Variants in UNC5C observed in about 807,000 individuals in gnomAD.
UNC5C encodes the protein netrin receptor UNC5C.
Under a neutral mutation model 99.8 loss-of-function variants are expected in UNC5C, and 47 were observed. The observed-to-expected ratio is 0.47, with a 90% CI of 0.37 to 0.60. The LOEUF is 0.60. Ranked by LOEUF, UNC5C falls within the 20% of genes least tolerant of loss-of-function variation. UNC5C has a pLI of 0.00. For synonymous variants in UNC5C, 487 were observed against 452.2 expected, an observed-to-expected ratio of 1.08 and a Z score of -0.98; for missense variants, 1,062 against 1,165.9, an observed-to-expected ratio of 0.91 and a Z score of 1.30.
At position 95,534,079 on chromosome 4, in the gene UNC5C, G is replaced by A. The variant is rs189438388; in HGVS notation, c.124+14655C>T. Among the ~76,000 whole-genome samples, 19 of 152,308 alleles carry A rather than the reference G, an allele frequency of 1.2e-4. No homozygotes were observed. In the East Asian group the frequency reaches 2.9e-3, roughly 23 times the overall value. ...TACTGTTGACTGCAGAGTTTTAAAC[G>A]TGGAACGTTCCCTACAGCACAGCAC... On this transcript the variant is annotated intron_variant, in intron 1 of 15. Coordinates refer to ENST00000453304, the MANE Select transcript of UNC5C (RefSeq NM_003728.4).
intron 1 of UNC5C, among the ~76,000 whole-genome samples, chr4:95,393,495 C>T (rs1198407576): frequency 6.6e-6 from 1 of 152,114 alleles, no homozygotes; most frequent in Non-Finnish European, 1.5e-5. Context: ...TTAAGCTGCT[C>T]CTGAAGTATT....
rs1275834553 is a variant in UNC5C at position 95,548,936 on chromosome 4, C to A, written c.-79G>T. 43 of 1,559,000 alleles carry A rather than the reference C, an allele frequency of 2.8e-5. No individual in the cohort carries two copies. Among genetic ancestry groups the A allele is most frequent in the Non-Finnish European group, 3.6e-5 (41 of 1,143,276 alleles). ...AGCTGAAAGCCCCACTGGGCAGAAG[C>A]TGAATCCGTGCACCGCGAAGCAGTC... On this transcript the variant is annotated 5_prime_UTR_variant, in exon 1 of 16. Transcript: ENST00000453304.
intron 1 of UNC5C, among the ~76,000 whole-genome samples, chr4:95,544,321 G>C (rs1284817212): frequency 6.6e-6 from 1 of 152,128 alleles, no homozygotes; most frequent in Non-Finnish European, 1.5e-5. Flanking sequence ...GATGAAACTT[G>C]CATTAAATCT....
chr4:95,412,419 A>G (rs931722127), intron 1 of UNC5C, among the ~76,000 whole-genome samples: 1 of 151,892 alleles, frequency 6.6e-6, no homozygotes, highest in Non-Finnish European at 1.5e-5. Context: ...TGGCAATCTC[A>G]TGTTAGGTCC....
At chr4:95,240,533 C>G (rs938949519) in intron 7 of UNC5C, among the ~76,000 whole-genome samples, 1 of 152,134 alleles carries the variant, frequency 6.6e-6, no homozygotes, top group Admixed American at 6.6e-5. Context: ...CAAATCAGAG[C>G]TGCAGAAATA....
chr4:95,347,663 C>G lies in UNC5C; in HGVS notation c.125-12032G>C, dbSNP rs550942281. Among the ~76,000 whole-genome samples, 7 of 151,976 alleles carry G rather than the reference C, an allele frequency of 4.6e-5. No individual in the cohort carries two copies. In the South Asian group the frequency reaches 1.5e-3, roughly 32 times the overall value. ...CCAGACATATACACTGGAAAAAGGA[C>G]AGTCTCTTAAATAAATGATGCTGAG... On this transcript the variant is annotated intron_variant, in intron 1 of 15. Transcript: ENST00000453304.
intron 4 of UNC5C, among the ~76,000 whole-genome samples, chr4:95,251,486 G>A (rs949751736): frequency 6.6e-6 from 1 of 152,136 alleles, no homozygotes; most frequent in South Asian, 2.1e-4. Context: ...TAGTAATAGT[G>A]ATGTTATACT....
intron 1 of UNC5C, among the ~76,000 whole-genome samples, chr4:95,429,136 G>C (rs1746562450): frequency 6.6e-6 from 1 of 152,086 alleles, no homozygotes; most frequent in African/African-American, 2.4e-5. Flanking sequence ...GCTAATCAAG[G>C]CCTCTTCTAG....
rs867659745 is a variant in UNC5C, at chr4:95,196,608, A to G, written c.2136+6123T>C. Among the ~76,000 whole-genome samples the G allele has an allele frequency of 9.3e-5, 14 of 150,704 alleles. No individual in the cohort carries two copies. The Admixed American group carries it at 9.4e-4, about 10-fold the overall frequency. Reference sequence around the variant, plus strand: ...GCCCCAAGGCTTAACAAAACCCTGGAAAATTGTTACAAAAGCTGCCAAGCT... The same window carrying G: ...GCCCCAAGGCTTAACAAAACCCTGGGAAATTGTTACAAAAGCTGCCAAGCT... On this transcript the variant is annotated intron_variant, in intron 12 of 15. Coordinates refer to ENST00000453304, the MANE Select transcript of UNC5C (RefSeq NM_003728.4).
chr4:95,373,739 G>A (rs1263425203), intron 1 of UNC5C, among the ~76,000 whole-genome samples: 1 of 152,132 alleles, frequency 6.6e-6, no homozygotes, highest in Non-Finnish European at 1.5e-5. Context: ...GTTGAATATG[G>A]GATGGAAAGA....
chr4:95,497,138 A>G (rs992448918), intron 1 of UNC5C, among the ~76,000 whole-genome samples: 7 of 151,954 alleles, frequency 4.6e-5, no homozygotes, highest in Non-Finnish European at 8.8e-5. Context: ...TGCTATAAAC[A>G]TGCGTGTGCA....
chr4:95,271,570 T>A (rs6532540), intron 4 of UNC5C, among the ~76,000 whole-genome samples: 85,583 of 152,032 alleles, frequency 0.56, 24,632 homozygotes, highest in African/African-American at 0.67. Context: ...GTCATCTGAA[T>A]AAAGCTCATT....
intron 1 of UNC5C, among the ~76,000 whole-genome samples, chr4:95,355,562 G>A (rs1025698158): frequency 4.6e-5 from 7 of 152,014 alleles, no homozygotes; most frequent in East Asian, 1.9e-4. Flanking sequence ...TCATTGCACC[G>A]TTGTGCCTAT....
In UNC5C at chr4:95,335,865, G is replaced by A. The variant is rs369043016; in HGVS notation, c.125-234C>T. Among the ~76,000 whole-genome samples the A allele has an allele frequency of 1.6e-4, 24 of 151,914 alleles. No individual in the cohort carries two copies. The South Asian group carries it at 4.4e-3, about 28-fold the overall frequency. ...TCAGGGAGGATAAGTAAGTTGCCCT[G>A]AGCACATAGGTAGTAAATAGCAGAG... On this transcript the variant is annotated intron_variant, in intron 1 of 15. Transcript: ENST00000453304.
At chr4:95,215,182 A>G (rs1738205665) in intron 10 of UNC5C, among the ~76,000 whole-genome samples, 1 of 152,226 alleles carries the variant, frequency 6.6e-6, no homozygotes, top group South Asian at 2.1e-4. Flanking sequence ...AGAGCTGGGA[A>G]AAGAAAAGGT....
At chr4:95,517,335 T>TTTTTTTTTTTTTTTTTTTTTGAGACGG (rs1722243496) in intron 1 of UNC5C, among the ~76,000 whole-genome samples, 1 of 152,172 alleles carries the variant, frequency 6.6e-6, no homozygotes, top group African/African-American at 2.4e-5. Context: ...AGGGGATTTC[T>TTTTTTTTTTTTTTTTTTTTTGAGACGG]AACTCCCAGT....
intron 1 of UNC5C, among the ~76,000 whole-genome samples, chr4:95,494,215 T>C (rs892001436): frequency 6.6e-6 from 1 of 151,462 alleles, no homozygotes; most frequent in Non-Finnish European, 1.5e-5. Flanking sequence ...TTGGCAAATG[T>C]GAAGTGTGAA....
intron 1 of UNC5C, among the ~76,000 whole-genome samples, chr4:95,421,420 A>C (rs1207534905): frequency 6.6e-6 from 1 of 152,170 alleles, no homozygotes; most frequent in African/African-American, 2.4e-5. Context: ...AGTAAAAATA[A>C]ATTATATCCA....
intron 1 of UNC5C, among the ~76,000 whole-genome samples, chr4:95,480,454 T>C (rs1721103794): frequency 6.6e-6 from 1 of 151,912 alleles, no homozygotes; most frequent in South Asian, 2.1e-4. Flanking sequence ...TTTTCATGTA[T>C]ACATAATAGA....
Sources: gnomAD v4.1 joint callset for allele counts (sites outside exome capture counted in the v4.1 genomes callset) on GRCh38, gnomAD v4.1.1 for gene constraint, MANE v1.5 for transcripts, NCBI Gene and HGNC (gene_info 2026-07-23, HGNC 2026-07-21) for gene names.